The following MAGI1 variants were observed in gnomAD, a reference collection of about 807,000 sequenced individuals.
MAGI1 encodes the protein membrane-associated guanylate kinase, WW and PDZ domain-containing protein 1.
MAGI1 carries 58 observed loss-of-function variants against 139.9 expected under a neutral mutation model. That is an observed-to-expected ratio of 0.41 (90% confidence interval 0.34 to 0.52). MAGI1 has a LOEUF of 0.52. Among genes scored for constraint, MAGI1 ranks in the 20% least tolerant of loss-of-function variants. The pLI, the probability that MAGI1 is intolerant of heterozygous loss-of-function variation, is 0.12. For missense variants in MAGI1, 1,874 were observed against 1,901.6 expected (o/e 0.99, Z 0.27); for synonymous variants, 812 against 737.9 (o/e 1.10, Z -1.63).
intron 5 of MAGI1, among the ~76,000 whole-genome samples, chr3:65,467,900 TTTTATAACAATG>T (rs1950270386): frequency 6.6e-6 from 1 of 152,206 alleles, no homozygotes; most frequent in Non-Finnish European, 1.5e-5. Context: ...TGGTATCCAT[TTTTATAACAATG>T]TTTAAACTCC....
intron 3 of MAGI1, among the ~76,000 whole-genome samples, chr3:65,483,878 T>A (rs1011152713): frequency 6.6e-6 from 1 of 152,184 alleles, no homozygotes; most frequent in Non-Finnish European, 1.5e-5. Flanking sequence ...TAAAAATTAA[T>A]AGGCACTGCA....
chr3:65,446,503 A>C (rs530618137), intron 7 of MAGI1, among the ~76,000 whole-genome samples: 1 of 152,308 alleles, frequency 6.6e-6, no homozygotes, highest in East Asian at 1.9e-4. Flanking sequence ...TCTTTCCTGA[A>C]AATTTCAAAT....
At chr3:65,610,659 T>C (rs1559718056) in intron 2 of MAGI1, among the ~76,000 whole-genome samples, 1 of 149,060 alleles carries the variant, frequency 6.7e-6, no homozygotes, top group South Asian at 2.1e-4. Context: ...CCAATAATTC[T>C]ATAAGGTCTG....
At chr3:65,659,174 G>C (rs979949767) in intron 1 of MAGI1, among the ~76,000 whole-genome samples, 1 of 152,042 alleles carries the variant, frequency 6.6e-6, no homozygotes, top group Non-Finnish European at 1.5e-5. Flanking sequence ...GTGTTATGAA[G>C]TACAGTTACC....
At chr3:65,995,541 T>A (rs201739206) in intron 1 of MAGI1, among the ~76,000 whole-genome samples, 12,935 of 152,232 alleles carry the variant, frequency 0.085, 751 homozygotes, top group East Asian at 0.24. Flanking sequence ...TAAAGGGTTT[T>A]TTTTTTGAGA....
intron 8 of MAGI1, among the ~76,000 whole-genome samples, chr3:65,440,851 G>GTATATGTGTACATGTATACATATACATA (rs1948257960): frequency 6.2e-5 from 1 of 16,038 alleles, no homozygotes; most frequent in Non-Finnish European, 1.6e-4. Context: ...ATATACATAT[G>GTATATGTGTACATGTATACATATACATA]TATACATATA....
intron 1 of MAGI1, among the ~76,000 whole-genome samples, chr3:66,021,381 C>T (rs1055613238): frequency 6.6e-6 from 1 of 152,194 alleles, no homozygotes; most frequent in Non-Finnish European, 1.5e-5. Flanking sequence ...ATTACTAAAA[C>T]CCTGAAGCAA....
intron 1 of MAGI1, among the ~76,000 whole-genome samples, chr3:65,695,860 G>A (rs767378775): frequency 1.3e-5 from 2 of 152,198 alleles, no homozygotes; most frequent in African/African-American, 2.4e-5. Flanking sequence ...TGTCTGCCAT[G>A]AGTGTAGCCA....
chr3:65,739,217 A>G (rs2035044255), intron 1 of MAGI1, among the ~76,000 whole-genome samples: 1 of 152,240 alleles, frequency 6.6e-6, no homozygotes, highest in African/African-American at 2.4e-5. Context: ...TTATAAAAAC[A>G]GCTTCTTTCC....
chr3:65,881,717 G>C (rs1166911097), intron 1 of MAGI1, among the ~76,000 whole-genome samples: 3 of 152,108 alleles, frequency 2.0e-5, no homozygotes, highest in Non-Finnish European at 4.4e-5. Flanking sequence ...TTTGTCTTAA[G>C]AACGTCTAGG....
At chr3:65,603,857 T>C (rs2082602894) in intron 2 of MAGI1, among the ~76,000 whole-genome samples, 1 of 152,152 alleles carries the variant, frequency 6.6e-6, no homozygotes, top group African/African-American at 2.4e-5. Flanking sequence ...AGGGTAATGA[T>C]GGGTCCTCAC....
intron 3 of MAGI1, among the ~76,000 whole-genome samples, chr3:65,490,782 T>C (rs1046700960): frequency 4.6e-5 from 6 of 130,478 alleles, no homozygotes; most frequent in Admixed American, 3.8e-4. Context: ...AGGGGGAGGG[T>C]GCAGTGAGCT....
At chr3:65,488,887 G>A (rs1049603135) in intron 3 of MAGI1, among the ~76,000 whole-genome samples, 1 of 150,344 alleles carries the variant, frequency 6.7e-6, no homozygotes, top group African/African-American at 2.5e-5. Context: ...TGCCCAGGCT[G>A]GTCGCGAGCT....
At chr3:65,905,074 A>T (rs556675159) in intron 1 of MAGI1, among the ~76,000 whole-genome samples, 58 of 152,332 alleles carry the variant, frequency 3.8e-4, no homozygotes, top group South Asian at 8.3e-4. Flanking sequence ...TACTAAAAAT[A>T]AGAATAACAC....
intron 1 of MAGI1, among the ~76,000 whole-genome samples, chr3:65,731,526 A>C (rs1000070957): frequency 6.6e-6 from 1 of 151,424 alleles, no homozygotes; most frequent in African/African-American, 2.4e-5. Flanking sequence ...ATGGTGGTGC[A>C]TGCCTGTAGT....
chr3:65,726,910 G>T (rs2033677613), intron 1 of MAGI1, among the ~76,000 whole-genome samples: 1 of 145,600 alleles, frequency 6.9e-6, no homozygotes, highest in Non-Finnish European at 1.5e-5. Context: ...TAAACAGGTT[G>T]AGTATCCCTA....
intron 1 of MAGI1, among the ~76,000 whole-genome samples, chr3:65,945,872 C>A (rs1193920540): frequency 1.3e-5 from 2 of 152,204 alleles, no homozygotes; most frequent in Non-Finnish European, 2.9e-5. Context: ...CACTGCCAAT[C>A]CCTGTTCTAG....
Position 65,673,998 on chromosome 3 carries a change from G to A in MAGI1, c.314-51910C>T, listed in dbSNP as rs185165615. ...ATGTGCCTGTAGTCCCAGCTACTCC[G>A]GAGGCTGAGGTTGGAGACTCTCTTG... is the stretch of plus-strand genomic sequence containing the variant. On this transcript the variant is annotated intron_variant, in intron 1 of 22. Coordinates refer to ENST00000402939, the MANE Select transcript of MAGI1 (RefSeq NM_001033057.2). Among the ~76,000 whole-genome samples the A allele has an allele frequency of 2.9e-3, 442 of 152,228 alleles. 3 individuals carry two copies. The highest frequency in any genetic ancestry group is 1.0e-2 in the African/African-American group (415 of 41,526).
chr3:65,482,612 T>C (rs2107629040), intron 3 of MAGI1, among the ~76,000 whole-genome samples: 1 of 152,328 alleles, frequency 6.6e-6, no homozygotes, highest in East Asian at 1.9e-4. Context: ...AACTATAAGG[T>C]GTTAAATATG....
Sources: allele counts gnomAD v4.1 joint callset (sites outside exome capture counted in the v4.1 genomes callset), GRCh38; gene constraint gnomAD v4.1.1; transcripts MANE v1.5; gene names NCBI Gene and HGNC (gene_info 2026-07-23, HGNC 2026-07-21).